CHD9: variants seen among roughly 807,000 people sequenced by gnomAD.
The protein encoded by CHD9 is ATP-dependent chromatin remodeler CHD9.
In CHD9, 77 loss-of-function variants were observed where a neutral mutation model predicts 316.1. The observed-to-expected ratio is 0.24, with a 90% confidence interval of 0.20 to 0.29. The LOEUF is 0.29. CHD9 is among the 10% of genes least tolerant of loss of function. The pLI is 1.00. For missense variants in CHD9, 2,763 were observed against 3,438.1 expected (o/e 0.80, Z 4.91); for synonymous variants, 1,129 against 1,158.3 (o/e 0.97, Z 0.51).
chr16:53,103,551 A>AAAT (rs1176072123), intron 1 of CHD9, among the ~76,000 whole-genome samples: 1 of 152,176 alleles, frequency 6.6e-6, no homozygotes, highest in Non-Finnish European at 1.5e-5. Context: ...CCAGCTTGTT[A>AAAT]AATAGGGAGC....
Position 53,304,368 on chromosome 16 carries a change from C to G in CHD9, c.6362C>G (p.Pro2121Arg), listed in dbSNP as rs754879647. 1.3e-5 allele frequency: 21 copies of G among 1,613,292 alleles called. No homozygotes were observed. In the East Asian group the frequency reaches 4.7e-4, roughly 36 times the overall value. ...PLTPNPASKK[P>R]RVHKRGSESS... ...ACTCCAAACCCAGCTTCTAAGAAAC[C>G]AAGAGTCCACAAAAGGGGATCAGAA... Residue 2121 changes from proline (P) to arginine (R), a missense_variant, in exon 31 of 39, where the codon CCA (proline) becomes CGA (arginine). Physicochemically the swap from Pro to Arg is moderately radical, Grantham distance 103 (BLOSUM62 -2). Transcript: ENST00000447540.
chr16:53,121,645 T>A, intron 1 of CHD9: 1 of 321,312 alleles, frequency 3.1e-6, no homozygotes, highest in Non-Finnish European at 6.1e-6. Context: ...TATTACCAGC[T>A]GCCTCTAGAT....
chr16:53,088,500 G>T (rs1283595478), intron 1 of CHD9, among the ~76,000 whole-genome samples: 4 of 151,680 alleles, frequency 2.6e-5, no homozygotes, highest in Non-Finnish European at 4.4e-5. Flanking sequence ...GGATGGTCTC[G>T]ATCTCCTGAC....
At chr16:53,295,377 T>A (rs1161223660) in intron 29 of CHD9, among the ~76,000 whole-genome samples, 1 of 152,200 alleles carries the variant, frequency 6.6e-6, no homozygotes, top group African/African-American at 2.4e-5. Context: ...TCCGTCTGCC[T>A]CAGCCTCCCA....
chr16:53,296,735 G>A (rs1021100143), intron 29 of CHD9, among the ~76,000 whole-genome samples: 7 of 152,060 alleles, frequency 4.6e-5, no homozygotes, highest in African/African-American at 1.4e-4. Flanking sequence ...ATGAGCCACC[G>A]CGCCCGACCC....
intron 10 of CHD9, 53 bp downstream of exon 10, chr16:53,231,837 G>A (rs984809166): frequency 3.6e-6 from 5 of 1,405,026 alleles, no homozygotes; most frequent in Non-Finnish European, 4.9e-6. Context: ...GTTTATGTAA[G>A]TTATGATATT....
intron 20 of CHD9, among the ~76,000 whole-genome samples, chr16:53,266,555 A>G (rs1253980266): frequency 1.3e-5 from 2 of 152,306 alleles, no homozygotes; most frequent in East Asian, 1.9e-4. Context: ...TCTGACTGTG[A>G]TACCTCTTAT....
At chr16:53,139,378 G>T in intron 1 of CHD9, among the ~76,000 whole-genome samples, 1 of 152,146 alleles carries the variant, frequency 6.6e-6, no homozygotes, top group Non-Finnish European at 1.5e-5. Context: ...TTAATAAGGT[G>T]CTAATCATAT....
At chr16:53,266,102 C>T (rs8043931) in intron 20 of CHD9, among the ~76,000 whole-genome samples, 46,990 of 150,858 alleles carry the variant, frequency 0.31, 7,447 homozygotes, top group Middle Eastern at 0.39. Flanking sequence ...GAATCAACTG[C>T]AGTAATAATT....
chr16:53,189,399 C>A (rs115048103), intron 2 of CHD9, among the ~76,000 whole-genome samples: 3,194 of 151,904 alleles, frequency 0.021, 128 homozygotes, highest in African/African-American at 0.073. Flanking sequence ...TTGTCAGATT[C>A]TTTTTCTTCA....
At chr16:53,203,650 T>C (rs1487229945) in intron 2 of CHD9, among the ~76,000 whole-genome samples, 1 of 152,180 alleles carries the variant, frequency 6.6e-6, no homozygotes, top group African/African-American at 2.4e-5. Context: ...ATATCTCTGT[T>C]GTTGAAAATT....
intron 1 of CHD9, among the ~76,000 whole-genome samples, chr16:53,113,501 CG>C (rs999145992): frequency 6.6e-5 from 10 of 150,626 alleles, no homozygotes; most frequent in African/African-American, 2.4e-4. Flanking sequence ...TTAGTAGAGA[CG>C]GGGTTTCACC....
chr16:53,212,697 C>T (rs1256628429), intron 3 of CHD9, among the ~76,000 whole-genome samples: 1 of 152,058 alleles, frequency 6.6e-6, no homozygotes, highest in Non-Finnish European at 1.5e-5. Context: ...AGTGGGCATA[C>T]AGTGTGATAA....
chr16:53,290,708 G>A (rs1048647422), intron 27 of CHD9, among the ~76,000 whole-genome samples: 6 of 152,114 alleles, frequency 3.9e-5, no homozygotes, highest in African/African-American at 1.4e-4. Flanking sequence ...AGCCCGAAAG[G>A]TTGAGGCTGC....
intron 1 of CHD9, among the ~76,000 whole-genome samples, chr16:53,098,756 C>T (rs561725074): frequency 5.3e-5 from 8 of 152,192 alleles, no homozygotes; most frequent in Admixed American, 6.5e-5. Flanking sequence ...CCCAATGCAC[C>T]CCATTACATA....
At chr16:53,192,749 G>C (rs919008564) in intron 2 of CHD9, among the ~76,000 whole-genome samples, 1 of 152,080 alleles carries the variant, frequency 6.6e-6, no homozygotes, top group Non-Finnish European at 1.5e-5. Flanking sequence ...AGTATATTGT[G>C]TTACTAGTCT....
At chr16:53,097,660 A>G (rs1308943659) in intron 1 of CHD9, among the ~76,000 whole-genome samples, 1 of 152,200 alleles carries the variant, frequency 6.6e-6, no homozygotes, top group Non-Finnish European at 1.5e-5. Context: ...TGTCCCTAGT[A>G]CCTGTAACTG....
At chr16:53,139,862 C>T (rs367620843) in intron 1 of CHD9, among the ~76,000 whole-genome samples, 8 of 152,048 alleles carry the variant, frequency 5.3e-5, no homozygotes, top group African/African-American at 1.7e-4. Context: ...CTTTGGGAGG[C>T]TGAGGTGGGT....
chr16:53,144,038 A>G (rs755503602), intron 1 of CHD9, among the ~76,000 whole-genome samples: 22 of 152,156 alleles, frequency 1.4e-4, no homozygotes, highest in Admixed American at 3.9e-4. Context: ...AAAATATGAT[A>G]TCTTTTGTAA....
Sources: allele counts gnomAD v4.1 joint callset (sites outside exome capture counted in the v4.1 genomes callset), GRCh38; gene constraint gnomAD v4.1.1; transcripts MANE v1.5; gene names NCBI Gene and HGNC (gene_info 2026-07-23, HGNC 2026-07-21).